CELF2: variants seen among roughly 807,000 people sequenced by gnomAD.
CELF2 encodes the protein CUG triplet repeat RNA-binding protein 2.
In CELF2, 8 loss-of-function variants were observed where a neutral mutation model predicts 62.6. The observed-to-expected ratio is 0.13, with a 90% CI of 0.07 to 0.23. CELF2 has a LOEUF of 0.23. CELF2 is among the 10% of genes least tolerant of loss of function. The pLI, the probability that CELF2 is intolerant of heterozygous loss-of-function variation, is 1.00. For missense variants in CELF2, 333 were observed against 671.0 expected, an observed-to-expected ratio of 0.50 and a Z score of 5.56; for synonymous variants, 258 against 250.0, an observed-to-expected ratio of 1.03 and a Z score of -0.30.
the CELF2 span, among the ~76,000 whole-genome samples, chr10:10,629,195 C>A: frequency 6.6e-6 from 1 of 152,158 alleles, no homozygotes; most frequent in Non-Finnish European, 1.5e-5. Context: ...AATAAAACAT[C>A]AGGTAAAACT....
chr10:10,619,444 C>T, the CELF2 span, among the ~76,000 whole-genome samples: 2 of 152,226 alleles, frequency 1.3e-5, no homozygotes, highest in Admixed American at 6.5e-5. Flanking sequence ...GAAATCTTTA[C>T]AGAACAGCTC....
At position 10,913,379 on chromosome 10, in the gene CELF2, C is replaced by CTTTTTTTT. The variant is rs34163796; in HGVS notation, c.54-6564_54-6557dup. ...AATATATATGCCTTTGTAATGATGT[C>CTTTTTTTT]TTTTTTTTTTTTTTTTTTTTTTTTT... On this transcript the variant is annotated intron_variant, in intron 1 of 13. Coordinates refer to the CELF2 transcript ENST00000636488. Among the ~76,000 whole-genome samples the CTTTTTTTT allele has an allele frequency of 1.1e-3, 63 of 57,360 alleles. 2 individuals are homozygous for CTTTTTTTT. The highest frequency in any genetic ancestry group is 1.4e-3 in the African/African-American group (18 of 12,538). The allele number at this position is 57,360 out of a possible 152,430, so 37.6% of individuals were successfully genotyped here.
At chr10:11,308,053 T>C (rs2094355433) in intron 9 of CELF2, among the ~76,000 whole-genome samples, 1 of 152,266 alleles carries the variant, frequency 6.6e-6, no homozygotes, top group Admixed American at 6.5e-5. Context: ...TATAAGATTC[T>C]GAGTTAATAG....
At position 10,815,790 on chromosome 10, in the gene CELF2, G is replaced by T. The variant is rs1306016876; in HGVS notation, c.53+16973G>T. Among the ~76,000 whole-genome samples, 3 of 151,968 alleles carry T rather than the reference G, an allele frequency of 2.0e-5. No homozygotes were observed. The South Asian group carries it at 6.2e-4, about 32-fold the overall frequency. On this transcript the variant is annotated intron_variant, in intron 1 of 13. Coordinates refer to the CELF2 transcript ENST00000636488. ...AGCAGACCCAGAACACCCTCAACCA[G>T]CCTGTTAGTTAGATGGGGAACAGAG...
At chr10:11,122,754 T>C (rs1381720602) in intron 1 of CELF2, among the ~76,000 whole-genome samples, 1 of 152,258 alleles carries the variant, frequency 6.6e-6, no homozygotes, top group East Asian at 1.9e-4. Flanking sequence ...AGTATTTAAA[T>C]TATAGCCAAG....
chr10:11,264,237 T>A (rs1287987266), intron 5 of CELF2, among the ~76,000 whole-genome samples: 1 of 152,268 alleles, frequency 6.6e-6, no homozygotes, highest in Non-Finnish European at 1.5e-5. Flanking sequence ...GTAATACTTC[T>A]CTTCTGAGGC....
intron 1 of CELF2, among the ~76,000 whole-genome samples, chr10:10,874,438 G>A (rs2060957800): frequency 1.4e-5 from 1 of 73,668 alleles, no homozygotes; most frequent in African/African-American, 5.6e-5. Context: ...ATGGAAAATG[G>A]TTAAAAAAAA....
upstream of CELF2, among the ~76,000 whole-genome samples, chr10:11,015,166 A>G (rs1472450510): frequency 6.6e-6 from 1 of 152,222 alleles, no homozygotes; most frequent in Non-Finnish European, 1.5e-5. This position sits in a 1 kb window ranked among gnomAD's most constrained non-coding sequence, Gnocchi z 4.8. Context: ...TCGTTACTGC[A>G]TGAAAATTAA....
the CELF2 span, among the ~76,000 whole-genome samples, chr10:10,739,862 C>T: frequency 1.9e-4 from 29 of 152,114 alleles, no homozygotes; most frequent in South Asian, 2.1e-4. Context: ...AGCACCTTTT[C>T]GAGACTGTTG....
intron 2 of CELF2, among the ~76,000 whole-genome samples, chr10:11,182,022 AGGGTGT>A (rs1457757532): frequency 1.3e-5 from 2 of 152,218 alleles, no homozygotes; most frequent in Non-Finnish European, 2.9e-5. Flanking sequence ...GAATCATTTT[AGGGTGT>A]CACTGTAGTG....
chr10:10,493,885 G>A, the CELF2 span, among the ~76,000 whole-genome samples: 426 of 152,220 alleles, frequency 2.8e-3, 1 homozygote, highest in Middle Eastern at 0.02. Context: ...CCATCCCTTT[G>A]AGTCTGGATC....
chr10:10,830,934 A>G (rs907993820), intron 1 of CELF2, among the ~76,000 whole-genome samples: 1 of 152,204 alleles, frequency 6.6e-6, no homozygotes, highest in African/African-American at 2.4e-5. Flanking sequence ...ACAATAGATG[A>G]CACCATATCA....
At chr10:10,647,902 G>T in the CELF2 span, among the ~76,000 whole-genome samples, 1 of 152,182 alleles carries the variant, frequency 6.6e-6, no homozygotes, top group East Asian at 1.9e-4. Flanking sequence ...CTCTGTGAAA[G>T]AGGTGAGCTG....
the CELF2 span, among the ~76,000 whole-genome samples, chr10:10,736,404 T>C: frequency 1.5e-4 from 12 of 79,374 alleles, no homozygotes; most frequent in East Asian, 3.2e-4. Context: ...TTCTTTTTTT[T>C]TTTTTTGGAC....
intron 1 of CELF2, among the ~76,000 whole-genome samples, chr10:11,132,813 G>T (rs1038805535): frequency 2.6e-5 from 4 of 152,174 alleles, no homozygotes; most frequent in Non-Finnish European, 5.9e-5. Context: ...TTAGGCCTTT[G>T]CTCATGATGC....
chr10:10,648,029 C>A, the CELF2 span, among the ~76,000 whole-genome samples: 35 of 152,276 alleles, frequency 2.3e-4, no homozygotes, highest in African/African-American at 8.4e-4. Flanking sequence ...TAACTCCAAA[C>A]TTCATGTACA....
intron 2 of CELF2, among the ~76,000 whole-genome samples, chr10:10,963,407 T>TCTCTTATATTTCACA (rs2049767116): frequency 6.6e-6 from 1 of 152,168 alleles, no homozygotes; most frequent in Non-Finnish European, 1.5e-5. Context: ...ATTTCACACT[T>TCTCTTATATTTCACA]GAGGCTGTCA....
chr10:10,817,390 G>A (rs756593767), intron 1 of CELF2, among the ~76,000 whole-genome samples: 1 of 152,120 alleles, frequency 6.6e-6, no homozygotes, highest in Non-Finnish European at 1.5e-5. Flanking sequence ...CATTCCCACT[G>A]TGCTACCAAA....
chr10:10,493,973 A>T, the CELF2 span, among the ~76,000 whole-genome samples: 1 of 152,274 alleles, frequency 6.6e-6, no homozygotes, highest in Non-Finnish European at 1.5e-5. Flanking sequence ...AAAGCAGAAG[A>T]TGTGCTGTCT....
Sources: gnomAD v4.1 joint callset for allele counts (sites outside exome capture counted in the v4.1 genomes callset) on GRCh38, gnomAD v4.1.1 for gene constraint, Gnocchi (gnomAD v3.1) non-coding constraint, MANE v1.5 for transcripts, NCBI Gene and HGNC (gene_info 2026-07-23, HGNC 2026-07-21) for gene names.